Variants in CNTN2 observed in about 807,000 individuals in gnomAD.
CNTN2 encodes contactin 2, also known as contactin-2.
In CNTN2, 53 loss-of-function variants were observed where a neutral mutation model predicts 117.5. The observed-to-expected ratio is 0.45, with a 90% CI of 0.36 to 0.57. The LOEUF is 0.57. CNTN2 is among the 20% of genes least tolerant of loss of function. The pLI, the probability that CNTN2 is intolerant of heterozygous loss-of-function variation, is 0.00. For synonymous variants in CNTN2, 530 were observed against 561.7 expected, an observed-to-expected ratio of 0.94 and a Z score of 0.80; for missense variants, 1,106 against 1,404.3, an observed-to-expected ratio of 0.79 and a Z score of 3.39.
rs753710924 is a variant in CNTN2, at chr1:205,073,191, G to A, written c.2968G>A (p.Gly990Arg). ...GGTACAAATTCGGACCACAGGGCCCGGAGGGGATGGGATCCCTGCAGAAGT... is the reference window on the plus strand; with the variant it reads ...GGTACAAATTCGGACCACAGGGCCCAGAGGGGATGGGATCCCTGCAGAAGT... ...ALVQIRTTGP[G>R]GDGIPAEVHI... Residue 990 changes from glycine to arginine, a missense_variant, in exon 22 of 23, where the codon GGA becomes AGA. Physicochemically the swap from Gly to Arg is moderately radical, Grantham distance 125. Transcript: ENST00000331830. The surrounding 1 kb of genome is among the most constrained non-coding windows in gnomAD (Gnocchi z 6.3). The A allele has an allele frequency of 5.6e-6, 9 of 1,613,942 alleles. No homozygotes were observed. Among genetic ancestry groups the A allele is most frequent in the Admixed American group, 1.7e-5 (1 of 59,996 alleles).
chr1:205,072,015 C>T lies in CNTN2; in HGVS notation c.2613C>T (p.Thr871=). The T allele has an allele frequency of 1.2e-6, 2 of 1,614,160 alleles. No homozygotes were observed. Among genetic ancestry groups the T allele is most frequent in the Non-Finnish European group, 1.7e-6 (2 of 1,180,022 alleles). ...ADRVRTAGLD[T]SARVSGLHPN... The stretch of plus-strand genomic sequence containing the variant: ...GAGTGAGGACAGCAGGGCTGGACAC[C>T]AGTGCCCGAGTCAGCGGCCTGCATC... The change falls in exon 20 of 23, where the codon ACC becomes ACT. Residue 871 remains threonine (T), a synonymous_variant. Coordinates refer to ENST00000331830, the MANE Select transcript of CNTN2 (RefSeq NM_005076.5).
At position 205,072,122 on chromosome 1, in the gene CNTN2, C is replaced by T. The variant is rs777923308; in HGVS notation, c.2720C>T (p.Thr907Ile). ...GCCAGCCCTTCTGCCAACGCCACGA[C>T]CATGAAGCCCCGTGAGTCTGTCTGC... ...GPASPSANAT[T>I]MKPPPRRPPG... is the part of the protein sequence containing the mutation. The change falls in exon 20 of 23, where the codon ACC becomes ATC. Residue 907 changes from threonine to isoleucine, a missense_variant. Physicochemically the swap from Thr to Ile is moderately conservative, Grantham distance 89 (BLOSUM62 -1). Coordinates refer to ENST00000331830, the MANE Select transcript of CNTN2 (RefSeq NM_005076.5). 6.2e-7 allele frequency: 1 copy of T among 1,609,678 alleles called. No homozygotes were observed.
Position 205,065,749 on chromosome 1 carries a change from G to T in CNTN2, c.1696-40G>T. On this transcript the variant is annotated intron_variant, in intron 13 of 22. Coordinates refer to ENST00000331830, the MANE Select transcript of CNTN2 (RefSeq NM_005076.5). This position sits in a 1 kb window ranked among gnomAD's most constrained non-coding sequence, Gnocchi z 4.1. ...ATGGCCTGCTGCACTGGTCAGGGCC[G>T]GTGGTCTGACCTGCTGCCCCTAACT... The T allele has an allele frequency of 6.2e-7, 1 of 1,613,496 alleles. No homozygotes were observed. Among genetic ancestry groups the T allele is most frequent in the South Asian group, 1.1e-5 (1 of 91,012 alleles).
chr1:205,050,933 A>G (rs1025925700), intron 1 of CNTN2, among the ~76,000 whole-genome samples: 2 of 152,354 alleles, frequency 1.3e-5, no homozygotes, highest in African/African-American at 4.8e-5. Flanking sequence ...GAGTACGTTG[A>G]AGGTGGGCTA....
intron 1 of CNTN2, among the ~76,000 whole-genome samples, chr1:205,052,150 C>T (rs560120574): frequency 6.0e-4 from 92 of 152,290 alleles, no homozygotes; most frequent in African/African-American, 2.1e-3. Context: ...CAGCCGGGCT[C>T]GCTGGCCCCT....
At chr1:205,072,450 T>C (rs754421864) in intron 20 of CNTN2, 33 bp from the exon 21 acceptor site, 1 of 1,585,766 alleles carries the variant, frequency 6.3e-7, no homozygotes, top group East Asian at 2.2e-5. Flanking sequence ...AGGGAAACGT[T>C]TGGACATCTC....
rs1049975984 is a variant in CNTN2 at position 205,077,425 on chromosome 1, A to C, written c.*3660A>C. Reference sequence around the variant, plus strand: ...CAACTGGCTCATTGGTGGGAGACACAGTATCCTCAAACCTGTGGCCACTGG... The same window carrying C: ...CAACTGGCTCATTGGTGGGAGACACCGTATCCTCAAACCTGTGGCCACTGG... On this transcript the variant is annotated 3_prime_UTR_variant, in exon 23 of 23. Transcript: ENST00000331830. The C allele has an allele frequency of 2.0e-5, 3 of 152,262 alleles. No individual in the cohort carries two copies. The highest frequency in any genetic ancestry group is 6.5e-5 in the Admixed American group (1 of 15,286). 9.4% of individuals were successfully genotyped at this position (152,262 alleles called of 1,614,324 possible).
intron 18 of CNTN2, 86 bp downstream of exon 18, chr1:205,070,147 C>T (rs973090954): frequency 1.5e-6 from 2 of 1,328,416 alleles, no homozygotes. Context: ...ACTCATCTCC[C>T]AGCTCAGTTC....
chr1:205,058,530 A>G lies in CNTN2; in HGVS notation c.392-38A>G. On this transcript the variant is annotated intron_variant, in intron 4 of 22. Transcript: ENST00000331830. The surrounding 1 kb of genome is among the most constrained non-coding windows in gnomAD (Gnocchi z 4.3). ...TGAGTCGGGGAGGGGCTCGCAGGCCAGGAGGACAGTGCCTGAGCCCCTGGT... is the reference window on the plus strand; with the variant it reads ...TGAGTCGGGGAGGGGCTCGCAGGCCGGGAGGACAGTGCCTGAGCCCCTGGT... 6.2e-7 allele frequency: 1 copy of G among 1,600,412 alleles called. No homozygotes were observed. Among genetic ancestry groups the G allele is most frequent in the South Asian group, 1.1e-5 (1 of 90,626 alleles).
intron 19 of CNTN2, 84 bp downstream of exon 19, chr1:205,070,622 T>G: frequency 2.2e-6 from 2 of 909,836 alleles, no homozygotes; most frequent in East Asian, 2.6e-5. Flanking sequence ...CCACTAATCA[T>G]TCCTCCTGGC....
chr1:205,059,671 C>T lies in CNTN2; in HGVS notation c.786C>T (p.Phe262=), dbSNP rs369368742. 31 of 1,612,964 alleles carry T rather than the reference C, an allele frequency of 1.9e-5. No individual in the cohort carries two copies. The African/African-American group carries it at 2.4e-4, about 13-fold the overall frequency. Residue 262 remains phenylalanine, a synonymous_variant, in exon 7 of 23, where the codon TTC becomes TTT. Transcript: ENST00000331830. This position sits in a 1 kb window ranked among gnomAD's most constrained non-coding sequence, Gnocchi z 5.6. Reference sequence around the variant, plus strand: ...GGCAGCAGGTCACCCTGGAGTGCTTCGCCTTTGGGAAGTGAGTGTGAAGAG... The same window carrying T: ...GGCAGCAGGTCACCCTGGAGTGCTTTGCCTTTGGGAAGTGAGTGTGAAGAG... ...LVGQQVTLEC[F]AFGNPVPRIK... is the part of the protein sequence containing the mutation.
chr1:205,050,224 G>A (rs2096449958), intron 1 of CNTN2, among the ~76,000 whole-genome samples: 1 of 151,880 alleles, frequency 6.6e-6, no homozygotes, highest in Non-Finnish European at 1.5e-5. Flanking sequence ...AGCATCCAGG[G>A]ACATATGTCT....
chr1:205,064,739 T>A lies in CNTN2; in HGVS notation c.1508T>A (p.Leu503Gln). The A allele has an allele frequency of 6.2e-7, 1 of 1,614,026 alleles. No homozygotes were observed. The highest frequency in any genetic ancestry group is 8.5e-7 in the Non-Finnish European group (1 of 1,180,002). ...FMGKANSTGI[L>Q]SVRDATKITL... ...GGCAAAGCCAACAGCACTGGAATCCTATCTGTGCGAGGTGAGGGCTGCCAT... is the reference window on the plus strand; with the variant it reads ...GGCAAAGCCAACAGCACTGGAATCCAATCTGTGCGAGGTGAGGGCTGCCAT... The change falls in exon 12 of 23, where the codon CTA becomes CAA. Residue 503 changes from leucine to glutamine, a missense_variant. Coordinates refer to ENST00000331830, the MANE Select transcript of CNTN2 (RefSeq NM_005076.5).
Position 205,065,262 on chromosome 1 carries a change from G to A in CNTN2, c.1695G>A (p.Val565=), listed in dbSNP as rs148801784. Residue 565 remains valine (V), a splice_region_variant and synonymous_variant, in exon 13 of 23, where the codon GTG becomes GTA. Transcript: ENST00000331830. This position sits in a 1 kb window ranked among gnomAD's most constrained non-coding sequence, Gnocchi z 4.1. ...KPGGHYRRTN[V]KETIGDLTIL... is the part of the protein sequence containing the mutation. The stretch of plus-strand genomic sequence containing the variant: ...GAGGGCACTACCGGAGAACTAATGT[G>A]GTGAGACCTAGGGCCAGAGCCCCAT... The A allele has an allele frequency of 1.2e-3, 1,894 of 1,613,956 alleles. No individual in the cohort carries two copies. Among genetic ancestry groups the A allele is most frequent in the Non-Finnish European group, 1.5e-3 (1,794 of 1,180,012 alleles).
chr1:205,055,923 T>C (rs532195972), intron 2 of CNTN2, among the ~76,000 whole-genome samples: 1 of 152,266 alleles, frequency 6.6e-6, no homozygotes, highest in South Asian at 2.1e-4. Context: ...ATGCATGGAT[T>C]ATATATAAAA....
rs1168800444 is a variant in CNTN2 at position 205,053,200 on chromosome 1, C to T, written c.15C>T (p.Thr5=). 1 of 1,612,730 alleles carries T rather than the reference C, an allele frequency of 6.2e-7. No individual in the cohort carries two copies. The highest frequency in any genetic ancestry group is 8.5e-7 in the Non-Finnish European group (1 of 1,179,424). MGTA[T]RRKPHLLLVA... is the part of the protein sequence containing the mutation. ...GGACATCCACCATGGGGACAGCCAC[C>T]AGGAGGAAGCCACACCTGCTGCTGG... The change falls in exon 2 of 23, where the codon ACC becomes ACT. Residue 5 remains threonine, a synonymous_variant. Coordinates refer to ENST00000331830, the MANE Select transcript of CNTN2 (RefSeq NM_005076.5).
At position 205,069,506 on chromosome 1, in the gene CNTN2, C is replaced by A; in HGVS notation, c.2141C>A (p.Pro714His). The change falls in exon 17 of 23, where the codon CCC becomes CAC. Residue 714 changes from proline to histidine, a missense_variant. By Grantham distance (77) the Pro-to-His change is moderately conservative. Coordinates refer to ENST00000331830, the MANE Select transcript of CNTN2 (RefSeq NM_005076.5). Reference protein sequence around the residue: ...RTREAAPSVAPSGLSGGGGAP... With the variant: ...RTREAAPSVAHSGLSGGGGAP... The stretch of plus-strand genomic sequence containing the variant: ...CCCTTGACAGCCCCCTCGGTGGCAC[C>A]CTCAGGACTCAGCGGAGGAGGTGGA... 1 of 1,614,094 alleles carries A rather than the reference C, an allele frequency of 6.2e-7. No homozygotes were observed. Among genetic ancestry groups the A allele is most frequent in the Non-Finnish European group, 8.5e-7 (1 of 1,180,016 alleles).
chr1:205,062,482 C>G lies in CNTN2; in HGVS notation c.1153C>G (p.Leu385Val). Residue 385 changes from leucine to valine, a missense_variant, in exon 10 of 23, where the codon CTG becomes GTG. Physicochemically the swap from Leu to Val is conservative, Grantham distance 32 (BLOSUM62 1). Coordinates refer to ENST00000331830, the MANE Select transcript of CNTN2 (RefSeq NM_005076.5). Reference protein sequence around the residue: ...VLAGDLRFSKLSLEDSGMYQC... With the variant: ...VLAGDLRFSKVSLEDSGMYQC... The stretch of plus-strand genomic sequence containing the variant: ...GGCTGGGGACCTGCGGTTCTCCAAG[C>G]TGAGCCTGGAAGACTCGGGCATGTA... The G allele has an allele frequency of 6.2e-7, 1 of 1,614,104 alleles. No homozygotes were observed. The highest frequency in any genetic ancestry group is 8.5e-7 in the Non-Finnish European group (1 of 1,179,992).
At chr1:205,056,199 G>A (rs950096443) in intron 2 of CNTN2, among the ~76,000 whole-genome samples, 20 of 152,140 alleles carry the variant, frequency 1.3e-4, no homozygotes, top group African/African-American at 4.8e-4. Flanking sequence ...AGCCCACTCA[G>A]CCACCCCATC....
Sources: gnomAD v4.1 joint callset for allele counts (sites outside exome capture counted in the v4.1 genomes callset) on GRCh38, gnomAD v4.1.1 for gene constraint, Gnocchi (gnomAD v3.1) non-coding constraint, MANE v1.5 for transcripts, NCBI Gene and HGNC (gene_info 2026-07-23, HGNC 2026-07-21) for gene names.